DNAH14: variants seen among roughly 807,000 people sequenced by gnomAD.
DNAH14 encodes the protein dynein axonemal heavy chain 14.
A neutral mutation model predicts 520.9 loss-of-function variants in DNAH14; 478 were observed. The observed-to-expected ratio is 0.92, with a 90% CI of 0.85 to 0.99. DNAH14 has a LOEUF of 0.99. Among genes scored for constraint, DNAH14 ranks in the 50% least tolerant of loss-of-function variants. DNAH14 has a pLI of 0.00. For synonymous variants in DNAH14, 1,581 were observed against 1,757.2 expected (o/e 0.90, Z 2.51); for missense variants, 4,831 against 5,234.5 (o/e 0.92, Z 2.38).
At chr1:225,177,194 T>G (rs2083431933) in intron 36 of DNAH14, among the ~76,000 whole-genome samples, 2 of 152,144 alleles carry the variant, frequency 1.3e-5, no homozygotes, top group African/African-American at 4.8e-5. Context: ...ACTGGTGGCA[T>G]TTTGCCCCTG....
chr1:225,094,279 C>T (rs535140270), intron 21 of DNAH14, among the ~76,000 whole-genome samples: 1 of 152,062 alleles, frequency 6.6e-6, no homozygotes, highest in Non-Finnish European at 1.5e-5. Context: ...CAAAAGCAGA[C>T]ACATAGAACA....
intron 23 of DNAH14, among the ~76,000 whole-genome samples, chr1:225,114,634 C>T (rs2076728872): frequency 6.6e-6 from 1 of 152,196 alleles, no homozygotes. Context: ...CTTTAGCCCA[C>T]AGAAGCAAGG....
intron 38 of DNAH14, among the ~76,000 whole-genome samples, chr1:225,202,515 CA>C (rs2086973895): frequency 6.6e-6 from 1 of 152,126 alleles, no homozygotes; most frequent in South Asian, 2.1e-4. Flanking sequence ...CCACACAACC[CA>C]AAGGGCTAGT....
rs575632586 is a variant in DNAH14, at chr1:225,028,121, G to A, written c.1358+4256G>A. Among the ~76,000 whole-genome samples the A allele has an allele frequency of 1.4e-4, 21 of 152,120 alleles. No homozygotes were observed. In the South Asian group the frequency reaches 4.2e-3, roughly 30 times the overall value. On this transcript the variant is annotated intron_variant, in intron 11 of 85. Coordinates refer to ENST00000682510, the MANE Select transcript of DNAH14 (RefSeq NM_001367479.1). ...CTTGTGATGTGTTTGTCTGGTTTTG[G>A]ATTCAGGATAAGACTCACCTCATAG...
rs76375603 is a variant in DNAH14, at chr1:225,377,364, C to A, written c.12644C>A (p.Thr4215Asn). 1.5e-4 allele frequency: 228 copies of A among 1,551,152 alleles called. No homozygotes were observed. In the African/African-American group the frequency reaches 2.7e-3, roughly 19 times the overall value. ...HPEAIRSCWE[T>N]QGEKFIENLI... Reference sequence around the variant, plus strand: ...GAGGCCATCAGGAGCTGCTGGGAGACCCAGGGCGAAAAGTTTATTGAAAAT... The same window carrying A: ...GAGGCCATCAGGAGCTGCTGGGAGAACCAGGGCGAAAAGTTTATTGAAAAT... The change falls in exon 79 of 86, where the codon ACC becomes AAC. Residue 4215 changes from threonine (T) to asparagine (N), a missense_variant. Transcript: ENST00000682510.
Position 225,351,680 on chromosome 1 carries a change from A to G in DNAH14, c.11330A>G (p.Gln3777Arg), listed in dbSNP as rs747121810. 3.9e-6 allele frequency: 6 copies of G among 1,549,742 alleles called. No individual in the cohort carries two copies. The South Asian group carries it at 4.8e-5, about 12-fold the overall frequency. ...TFEIGESQHLQWLSDSRWRQC... is the reference protein window; with the variant it reads ...TFEIGESQHLRWLSDSRWRQC... ...GAAATAGGTGAAAGTCAACATCTTC[A>G]GTGGCTGTCAGATTCCAGGTGGAGG... The change falls in exon 72 of 86, where the codon CAG becomes CGG. Residue 3777 changes from glutamine (Q) to arginine (R), a missense_variant. Physicochemically the swap from Gln to Arg is conservative, Grantham distance 43. Coordinates refer to ENST00000682510, the MANE Select transcript of DNAH14 (RefSeq NM_001367479.1).
At chr1:225,198,260 C>G (rs571412630) in intron 38 of DNAH14, among the ~76,000 whole-genome samples, 1 of 151,354 alleles carries the variant, frequency 6.6e-6, no homozygotes, top group Non-Finnish European at 1.5e-5. Context: ...CTGTGTTGCC[C>G]GGGCTGGAGT....
chr1:225,315,654 G>A (rs1473015418), intron 60 of DNAH14, among the ~76,000 whole-genome samples: 1 of 152,136 alleles, frequency 6.6e-6, no homozygotes, highest in Non-Finnish European at 1.5e-5. Flanking sequence ...TGATGTTGAT[G>A]CTATTGCTTT....
intron 73 of DNAH14, 148 bp downstream of exon 73, chr1:225,354,036 G>A (rs1045727920): frequency 2.3e-5 from 15 of 665,822 alleles, no homozygotes; most frequent in African/African-American, 5.4e-5. Flanking sequence ...AAGCACCTAC[G>A]CCTCCCCTTA....
intron 54 of DNAH14, among the ~76,000 whole-genome samples, chr1:225,281,919 G>A (rs918314326): frequency 6.6e-6 from 1 of 152,120 alleles, no homozygotes; most frequent in Non-Finnish European, 1.5e-5. Flanking sequence ...TAACAACACT[G>A]TATTATATAC....
At chr1:225,198,311 G>A (rs1300048938) in intron 38 of DNAH14, among the ~76,000 whole-genome samples, 1 of 151,710 alleles carries the variant, frequency 6.6e-6, no homozygotes, top group African/African-American at 2.4e-5. Flanking sequence ...TCTGCATTCT[G>A]GGTTCACACC....
intron 81 of DNAH14, among the ~76,000 whole-genome samples, chr1:225,386,950 C>T (rs927821906): frequency 3.9e-5 from 6 of 152,098 alleles, no homozygotes; most frequent in Non-Finnish European, 8.8e-5. Flanking sequence ...ATGTTTATTG[C>T]GGCACTATTC....
rs2095574465 is a variant in DNAH14 at position 225,368,032 on chromosome 1, G to A, written c.12318G>A (p.Gly4106=). Reference sequence around the variant, plus strand: ...ATAAATTTAATTCTTCAGACTTGGGGGTAAGTGTAGTCTCTTCAAACAAAC... The same window carrying A: ...ATAAATTTAATTCTTCAGACTTGGGAGTAAGTGTAGTCTCTTCAAACAAAC... The part of the protein sequence containing the change: ...IAYKFNSSDL[G]VAIKVLENSL... Residue 4106 remains glycine, a splice_region_variant and synonymous_variant, in exon 77 of 86, where the codon GGG becomes GGA. Coordinates refer to ENST00000682510, the MANE Select transcript of DNAH14 (RefSeq NM_001367479.1). The A allele has an allele frequency of 6.5e-7, 1 of 1,544,062 alleles. No individual in the cohort carries two copies. The highest frequency in any genetic ancestry group is 8.7e-7 in the Non-Finnish European group (1 of 1,143,208).
At chr1:224,957,787 A>G (rs1393677794) in intron 3 of DNAH14, among the ~76,000 whole-genome samples, 1 of 152,190 alleles carries the variant, frequency 6.6e-6, no homozygotes, top group Admixed American at 6.6e-5. Flanking sequence ...CCAAAGCCAG[A>G]CCAGAGTAGA....
At chr1:225,197,471 A>T (rs1176550823) in intron 38 of DNAH14, among the ~76,000 whole-genome samples, 1 of 152,146 alleles carries the variant, frequency 6.6e-6, no homozygotes, top group African/African-American at 2.4e-5. Flanking sequence ...AAATCAAGTA[A>T]TATGGTGCCT....
chr1:225,089,449 A>G (rs1205378313), intron 21 of DNAH14, among the ~76,000 whole-genome samples: 1 of 147,444 alleles, frequency 6.8e-6, no homozygotes, highest in Non-Finnish European at 1.5e-5. Flanking sequence ...CGTCAAAAAA[A>G]AAAAAAAAAA....
At chr1:225,186,961 G>A (rs1490880656) in intron 37 of DNAH14, among the ~76,000 whole-genome samples, 1 of 151,714 alleles carries the variant, frequency 6.6e-6, no homozygotes, top group East Asian at 1.9e-4. Context: ...CTTCTTACTG[G>A]TCTGTTCAAG....
chr1:225,102,106 GTTCAATTCCCACCTATGA>G (rs2075532856), intron 23 of DNAH14, among the ~76,000 whole-genome samples: 1 of 139,688 alleles, frequency 7.2e-6, no homozygotes, highest in Non-Finnish European at 1.5e-5. Flanking sequence ...TGTTCTCATT[GTTCAATTCCCACCTATGA>G]GTGAGAACAT....
At chr1:225,286,266 A>G (rs12082837) in intron 54 of DNAH14, among the ~76,000 whole-genome samples, 1,837 of 152,286 alleles carry the variant, frequency 0.012, 28 homozygotes, top group East Asian at 0.05. Context: ...GTTTACTATA[A>G]TTTATTGAAT....
Sources: gnomAD v4.1 joint callset for allele counts (sites outside exome capture counted in the v4.1 genomes callset) on GRCh38, gnomAD v4.1.1 for gene constraint, MANE v1.5 for transcripts, NCBI Gene and HGNC (gene_info 2026-07-23, HGNC 2026-07-21) for gene names.